The following PLEKHB1 variants were observed in gnomAD, a reference collection of about 807,000 sequenced individuals.
The protein encoded by PLEKHB1 is pleckstrin homology domain containing B1, also known as pleckstrin homology domain-containing family B member 1.
A neutral mutation model predicts 36.2 loss-of-function variants in PLEKHB1; 29 were observed. That is an observed-to-expected ratio of 0.80 (90% CI 0.60 to 1.09). PLEKHB1 has a LOEUF of 1.09. Among genes scored for constraint, PLEKHB1 ranks in the 50% least tolerant of loss-of-function variants. The pLI, the probability that PLEKHB1 is intolerant of heterozygous loss-of-function variation, is 0.00. For synonymous variants in PLEKHB1, 138 were observed against 140.0 expected (o/e 0.99, Z 0.10); for missense variants, 330 against 348.2 (o/e 0.95, Z 0.42).
intron 2 of PLEKHB1, 105 bp downstream of exon 2, chr11:73,649,192 TC>T: frequency 7.2e-7 from 1 of 1,380,076 alleles, no homozygotes; most frequent in Non-Finnish European, 9.8e-7. Flanking sequence ...TTTTCATCCT[TC>T]CCTTGTTTGT....
At chr11:73,658,903 C>T (rs1407375780) in intron 6 of PLEKHB1, among the ~76,000 whole-genome samples, 1 of 152,190 alleles carries the variant, frequency 6.6e-6, no homozygotes, top group Non-Finnish European at 1.5e-5. Flanking sequence ...AGGCATAAGC[C>T]GCTGTGCCTA....
At chr11:73,658,409 T>G (rs761192642) in intron 6 of PLEKHB1, among the ~76,000 whole-genome samples, 29 of 152,202 alleles carry the variant, frequency 1.9e-4, no homozygotes, top group Non-Finnish European at 5.9e-5. Flanking sequence ...CTTTTCCTAC[T>G]CAGCAACTCC....
At chr11:73,651,658 G>T in intron 3 of PLEKHB1, 130 bp from the exon 4 acceptor site, 1 of 704,026 alleles carries the variant, frequency 1.4e-6, no homozygotes. Context: ...AGAGTATATG[G>T]GATCAGAGGA....
intron 5 of PLEKHB1, 135 bp from the exon 6 acceptor site, chr11:73,655,668 A>T: frequency 1.5e-6 from 1 of 675,250 alleles, no homozygotes; most frequent in Admixed American, 2.5e-5. Context: ...GAGAAAGAGG[A>T]TGCTCCCTGC....
chr11:73,660,991 C>T lies in PLEKHB1; in HGVS notation c.595+139C>T, dbSNP rs1160844951. On this transcript the variant is annotated intron_variant, in intron 7 of 7. Transcript: ENST00000354190. ...TTTCCCAGGCAGAACTCTCCGCAAG[C>T]CCCTCTCCATCCTGAGACTGGGAGA... The T allele has an allele frequency of 3.8e-6, 3 of 780,532 alleles. No homozygotes were observed. In the East Asian group the frequency reaches 8.1e-5, roughly 21 times the overall value. 48.4% of individuals were successfully genotyped at this position (780,532 alleles called of 1,614,324 possible). A position where few individuals can be genotyped will look rare whatever the true frequency, so the allele number is the denominator to read the frequency against.
At chr11:73,651,125 T>C (rs887492029) in intron 3 of PLEKHB1, among the ~76,000 whole-genome samples, 5 of 151,664 alleles carry the variant, frequency 3.3e-5, no homozygotes, top group Admixed American at 1.3e-4. Flanking sequence ...GAGAGGCATG[T>C]AGATTACTTG....
At chr11:73,655,999 C>T (rs2134819253) in intron 6 of PLEKHB1, 92 bp downstream of exon 6, 2 of 1,038,656 alleles carry the variant, frequency 1.9e-6, no homozygotes, top group South Asian at 2.6e-5. Context: ...CTGTGACAAA[C>T]ATTCCATGGC....
At chr11:73,653,511 AAGCCAG>A (rs1944938771) in intron 5 of PLEKHB1, 1 of 454,136 alleles carries the variant, frequency 2.2e-6, no homozygotes, top group South Asian at 1.6e-5. Context: ...GCCTAATGAG[AAGCCAG>A]ACATGGAACA....
Position 73,660,767 on chromosome 11 carries a change from C to G in PLEKHB1, c.510C>G (p.Ser170Arg), listed in dbSNP as rs772674812. The G allele has an allele frequency of 3.8e-5, 60 of 1,596,670 alleles. No individual in the cohort carries two copies. The highest frequency in any genetic ancestry group is 4.8e-5 in the Non-Finnish European group (56 of 1,173,002). Residue 170 changes from serine to arginine, a missense_variant, in exon 7 of 8, where the codon AGC becomes AGG. By Grantham distance (110) the Ser-to-Arg change is moderately radical (BLOSUM62 -1). Transcript: ENST00000354190. ...GGATTCCCCAGGTGCGCGTCTACAG[C>G]CCGTACCAAGACTACTACGAGGTGG... ...VERRIWVRVY[S>R]PYQDYYEVVP...
At position 73,661,337 on chromosome 11, in the gene PLEKHB1, TTGAC is replaced by T. The variant is rs1315573896; in HGVS notation, c.596-126_596-123del. On this transcript the variant is annotated intron_variant, in intron 7 of 7. Transcript: ENST00000354190. This position sits in a 1 kb window ranked among gnomAD's most constrained non-coding sequence, Gnocchi z 4.6. ...CTCTTCCCGCGTCTAGATCTGTTCT[TTGAC>T]TGGGGAGCAGGAGAGTGGGTTCGGC... 3.8e-6 allele frequency: 4 copies of T among 1,061,184 alleles called. No homozygotes were observed. Among genetic ancestry groups the T allele is most frequent in the African/African-American group, 3.2e-5 (2 of 62,860 alleles). The allele number at this position is 1,061,184 out of a possible 1,614,324, so 65.7% of individuals were successfully genotyped here.
chr11:73,647,139 C>A (rs181149626), intron 1 of PLEKHB1, among the ~76,000 whole-genome samples: 2 of 152,128 alleles, frequency 1.3e-5, no homozygotes, highest in African/African-American at 4.8e-5. Context: ...AATTTCGGGT[C>A]GCCTAGGAAA....
Position 73,650,848 on chromosome 11 carries a change from A to G in PLEKHB1, c.247+143A>G, listed in dbSNP as rs1047457527. On this transcript the variant is annotated intron_variant, in intron 3 of 7. Transcript: ENST00000354190. ...TGCTTCTGAGCCTCTGTCAACTCCA[A>G]TTCAGTTTGGTGTGAGTTAAGAAAT... is the stretch of plus-strand genomic sequence containing the variant. 3.2e-5 allele frequency: 34 copies of G among 1,048,658 alleles called. 2 individuals carry two copies. In the South Asian group the frequency reaches 3.4e-4, roughly 11 times the overall value. The allele number at this position is 1,048,658 out of a possible 1,614,324, so 65.0% of individuals were successfully genotyped here.
At chr11:73,649,164 T>C in intron 2 of PLEKHB1, 77 bp downstream of exon 2, 2 of 1,512,236 alleles carry the variant, frequency 1.3e-6, no homozygotes, top group South Asian at 2.5e-5. Flanking sequence ...GGAACACTTC[T>C]CTCAAGAAAC....
chr11:73,651,844 G>A lies in PLEKHB1; in HGVS notation c.304G>A (p.Glu102Lys). 2 of 1,613,616 alleles carry A rather than the reference G, an allele frequency of 1.2e-6. No homozygotes were observed. The highest frequency in any genetic ancestry group is 2.2e-5 in the South Asian group (2 of 91,076). ...TGGCCTGCTGACTGTGAACCTACGG[G>A]AAGGCGGCCGCCTGCACCTCTGTGC... The part of the protein sequence containing the change: ...RDGLLTVNLR[E>K]GGRLHLCAET... The change falls in exon 4 of 8, where the codon GAA (glutamate) becomes AAA (lysine). Residue 102 changes from glutamate to lysine, a missense_variant. Coordinates refer to ENST00000354190, the MANE Select transcript of PLEKHB1 (RefSeq NM_021200.3).
At chr11:73,649,756 A>G (rs1286420172) in intron 2 of PLEKHB1, among the ~76,000 whole-genome samples, 1 of 152,130 alleles carries the variant, frequency 6.6e-6, no homozygotes, top group Non-Finnish European at 1.5e-5. Context: ...AAGCAGCCCC[A>G]TGCCCCATAC....
chr11:73,651,705 C>A, intron 3 of PLEKHB1, 83 bp from the exon 4 acceptor site: 1 of 1,116,284 alleles, frequency 9.0e-7, no homozygotes, highest in Non-Finnish European at 1.3e-6. Context: ...CCAGAGAAGT[C>A]AATTCCTATT....
rs562212778 is a variant in PLEKHB1, at chr11:73,662,757, A to G, written c.*1155A>G. The G allele has an allele frequency of 6.6e-6, 1 of 152,306 alleles. No individual in the cohort carries two copies. The highest frequency in any genetic ancestry group is 2.4e-5 in the African/African-American group (1 of 41,566). The allele number at this position is 152,306 out of a possible 1,614,324, so 9.4% of individuals were successfully genotyped here. On this transcript the variant is annotated 3_prime_UTR_variant, in exon 8 of 8. Transcript: ENST00000354190. ...GACTAGCCCACTAAAGCTCCCCTGT[A>G]AATGGGGGCTCCATTAGTTCTGCTG... is the stretch of plus-strand genomic sequence containing the variant.
intron 5 of PLEKHB1, 141 bp downstream of exon 5, chr11:73,653,155 A>C: frequency 1.1e-6 from 1 of 875,608 alleles, no homozygotes; most frequent in Admixed American, 2.4e-5. Context: ...CCTGAGTCCC[A>C]AGTGTTCGGG....
At chr11:73,647,673 G>A (rs1183515843) in intron 1 of PLEKHB1, 1 of 985,404 alleles carries the variant, frequency 1.0e-6, no homozygotes, top group Admixed American at 6.1e-5. Flanking sequence ...GGCGCAGCGG[G>A]TTGGGTGGCA....
Sources: gnomAD v4.1 joint callset for allele counts (sites outside exome capture counted in the v4.1 genomes callset) on GRCh38, gnomAD v4.1.1 for gene constraint, Gnocchi (gnomAD v3.1) non-coding constraint, MANE v1.5 for transcripts, NCBI Gene and HGNC (gene_info 2026-07-23, HGNC 2026-07-21) for gene names.